The following TBL1Y variants were observed in gnomAD, a reference collection of about 807,000 sequenced individuals.
The protein encoded by TBL1Y is F-box-like/WD repeat-containing protein TBL1Y.
In TBL1Y, 15 loss-of-function variants were observed where a neutral mutation model predicts 12.0. The observed-to-expected ratio is 1.25, with a 90% CI of 0.83 to 1.92. TBL1Y has a LOEUF of 1.92. TBL1Y is among the 40% of genes most tolerant of loss of function. The pLI is 0.00. For synonymous variants in TBL1Y, 53 were observed against 42.6 expected, an observed-to-expected ratio of 1.24 and a Z score of -0.95; for missense variants, 148 against 116.7, an observed-to-expected ratio of 1.27 and a Z score of -1.24.
At chrY:6,967,399 T>G (rs2012176346) in intron 2 of TBL1Y, among the ~76,000 whole-genome samples, 1 of 33,272 alleles carries the variant, frequency 3.0e-5, no homozygotes, top group African/African-American at 1.2e-4. Context: ...TGTGACTTTT[T>G]TTTTTTTGAG....
intron 3 of TBL1Y, among the ~76,000 whole-genome samples, chrY:6,995,403 G>C (rs2012402896): frequency 3.1e-5 from 1 of 32,581 alleles, no homozygotes; most frequent in African/African-American, 1.2e-4. Flanking sequence ...TAGACACTTT[G>C]GCAGGGTGGC....
intron 7 of TBL1Y, among the ~76,000 whole-genome samples, chrY:7,051,073 A>G (rs2012795376): frequency 3.0e-5 from 1 of 33,886 alleles, no homozygotes; most frequent in Non-Finnish European, 7.3e-5. Context: ...AAGCTCACCA[A>G]TATCATTATG....
chrY:7,014,119 A>T, intron 4 of TBL1Y, among the ~76,000 whole-genome samples: 1 of 33,264 alleles, frequency 3.0e-5, no homozygotes, highest in African/African-American at 1.2e-4. Context: ...TCCCTGTCCA[A>T]ATCTCACGTT....
chrY:7,023,168 C>T (rs2012591325), intron 5 of TBL1Y, among the ~76,000 whole-genome samples: 1 of 31,357 alleles, frequency 3.2e-5, no homozygotes, highest in East Asian at 8.2e-4. Context: ...AAAAAGGGCA[C>T]TCTGTTGCTA....
intron 4 of TBL1Y, among the ~76,000 whole-genome samples, chrY:7,010,949 A>T (rs2012516665): frequency 3.0e-5 from 1 of 33,425 alleles, no homozygotes; most frequent in Admixed American, 2.7e-4. Context: ...AAAGAAAAAA[A>T]GAAAACAGTC....
intron 6 of TBL1Y, among the ~76,000 whole-genome samples, chrY:7,025,806 G>T (rs757110953): frequency 6.6e-4 from 22 of 33,495 alleles, no homozygotes; most frequent in African/African-American, 2.6e-3. Context: ...GTGAATTTGT[G>T]GGGGTGGGGG....
chrY:7,057,861 T>C (rs779484214), intron 7 of TBL1Y, among the ~76,000 whole-genome samples: 1 of 34,287 alleles, frequency 2.9e-5, no homozygotes, highest in Admixed American at 2.6e-4. Flanking sequence ...AGCTATTCCT[T>C]TAACAGCATC....
At chrY:7,063,064 C>G in intron 7 of TBL1Y, among the ~76,000 whole-genome samples, 1 of 32,505 alleles carries the variant, frequency 3.1e-5, no homozygotes. Context: ...TTATTCCTCG[C>G]ACAGGGTGGG....
intron 4 of TBL1Y, among the ~76,000 whole-genome samples, chrY:7,008,561 A>G (rs2012500435): frequency 3.0e-5 from 1 of 33,551 alleles, no homozygotes; most frequent in African/African-American, 1.2e-4. Flanking sequence ...GGGGACAATC[A>G]GAGCCAGAGC....
intron 6 of TBL1Y, among the ~76,000 whole-genome samples, chrY:7,027,429 A>T (rs182712174): frequency 2.7e-4 from 9 of 33,681 alleles, no homozygotes; most frequent in African/African-American, 1.0e-3. Context: ...CACGCCTGTA[A>T]TTCCAGCACT....
chrY:6,936,566 T>C (rs2011905262), intron 2 of TBL1Y, among the ~76,000 whole-genome samples: 1 of 34,294 alleles, frequency 2.9e-5, no homozygotes, highest in Non-Finnish European at 7.3e-5. Flanking sequence ...CCAGTGTGTT[T>C]GTTATCATTG....
chrY:7,078,824 T>C (rs1603050696), intron 13 of TBL1Y, among the ~76,000 whole-genome samples: 4 of 33,681 alleles, frequency 1.2e-4, no homozygotes, highest in Admixed American at 8.1e-4. Flanking sequence ...TCCTCCCATC[T>C]TGGCATCCCA....
intron 2 of TBL1Y, chrY:6,919,123 TC>T: frequency 3.0e-5 from 1 of 33,220 alleles, no homozygotes; most frequent in African/African-American, 1.2e-4. Context: ...GATCTCATGA[TC>T]CACTTGCCTC....
chrY:6,960,309 A>G, intron 2 of TBL1Y, among the ~76,000 whole-genome samples: 1 of 33,788 alleles, frequency 3.0e-5, no homozygotes, highest in Non-Finnish European at 7.3e-5. Context: ...ACTAGCGTAT[A>G]AGGGGGTTTT....
intron 12 of TBL1Y, among the ~76,000 whole-genome samples, chrY:7,072,114 G>T (rs779420349): frequency 8.2e-4 from 27 of 32,891 alleles, no homozygotes; most frequent in Admixed American, 1.7e-3. Flanking sequence ...TGGCCAGACT[G>T]GTCTTGAACT....
chrY:7,067,068 C>G (rs2012991334), intron 8 of TBL1Y, among the ~76,000 whole-genome samples: 1 of 33,624 alleles, frequency 3.0e-5, no homozygotes, highest in African/African-American at 1.2e-4. Context: ...TAAGGTTTGT[C>G]TCCATCATAA....
chrY:6,943,802 A>G (rs1016725399), intron 2 of TBL1Y, among the ~76,000 whole-genome samples: 4 of 33,904 alleles, frequency 1.2e-4, no homozygotes, highest in African/African-American at 4.6e-4. Flanking sequence ...TTTCTACCAT[A>G]TGGAAATATT....
chrY:6,984,677 A>G, intron 3 of TBL1Y, among the ~76,000 whole-genome samples: 1 of 33,962 alleles, frequency 2.9e-5, no homozygotes, highest in African/African-American at 1.2e-4. Context: ...CTAAGTTCTC[A>G]GGCCAACCCA....
chrY:7,048,502 C>T, intron 7 of TBL1Y, among the ~76,000 whole-genome samples: 1 of 33,021 alleles, frequency 3.0e-5, no homozygotes, highest in Non-Finnish European at 7.4e-5. Flanking sequence ...ACACACCTTG[C>T]ATGTAAAACT....
Sources: gnomAD v4.1 joint callset for allele counts (sites outside exome capture counted in the v4.1 genomes callset) on GRCh38, gnomAD v4.1.1 for gene constraint, MANE v1.5 for transcripts, NCBI Gene and HGNC (gene_info 2026-07-23, HGNC 2026-07-21) for gene names.